DAG1: variants seen among roughly 807,000 people sequenced by gnomAD.
DAG1 encodes the protein dystroglycan 1 (dystrophin-associated glycoprotein 1).
In DAG1, 8 loss-of-function variants were observed where a neutral mutation model predicts 46.1. That is an observed-to-expected ratio of 0.17 (90% CI 0.10 to 0.31). DAG1 has a LOEUF of 0.31. Ranked by LOEUF, DAG1 falls within the 10% of genes least tolerant of loss-of-function variation. The pLI, the probability that DAG1 is intolerant of heterozygous loss-of-function variation, is 1.00. For synonymous variants in DAG1, 495 were observed against 481.8 expected, an observed-to-expected ratio of 1.03 and a Z score of -0.36; for missense variants, 1,003 against 1,189.9, an observed-to-expected ratio of 0.84 and a Z score of 2.31.
At position 49,532,153 on chromosome 3, in the gene DAG1, G is replaced by A. The variant is rs1362055520; in HGVS notation, c.1642G>A (p.Glu548Lys). Residue 548 changes from glutamate to lysine, a missense_variant, in exon 3 of 3, where the codon GAG becomes AAG. Physicochemically the swap from Glu to Lys is moderately conservative, Grantham distance 56. Coordinates refer to ENST00000308775, the MANE Select transcript of DAG1 (RefSeq NM_004393.6). The surrounding 1 kb of genome is among the most constrained non-coding windows in gnomAD (Gnocchi z 5.4). ...LKLREQQLVG[E>K]KSWVQFNSNS... ...ACTGCGGGAGCAGCAGCTGGTGGGC[G>A]AGAAGTCCTGGGTACAGTTCAACAG... 2 of 1,614,234 alleles carry A rather than the reference G, an allele frequency of 1.2e-6. No homozygotes were observed. The highest frequency in any genetic ancestry group is 2.2e-5 in the East Asian group (1 of 44,884).
At chr3:49,518,405 C>G (rs537053077) in intron 2 of DAG1, among the ~76,000 whole-genome samples, 1 of 152,326 alleles carries the variant, frequency 6.6e-6, no homozygotes, top group South Asian at 2.1e-4. Flanking sequence ...AAAGCCTGGC[C>G]TGACCTGTGT....
At chr3:49,510,294 A>G in intron 1 of DAG1, 125 bp from the exon 2 acceptor site, 1 of 599,156 alleles carries the variant, frequency 1.7e-6, no homozygotes, top group Non-Finnish European at 3.0e-6. Flanking sequence ...TGTATAAGAG[A>G]CCATGGGGGT....
At chr3:49,526,988 T>G (rs867658784) in intron 2 of DAG1, among the ~76,000 whole-genome samples, 18 of 152,232 alleles carry the variant, frequency 1.2e-4, no homozygotes, top group African/African-American at 3.6e-4. Flanking sequence ...GAGTTTGTTC[T>G]GTAGGAACTG....
intron 1 of DAG1, among the ~76,000 whole-genome samples, chr3:49,471,219 A>T (rs1379504263): frequency 6.6e-6 from 1 of 152,200 alleles, no homozygotes; most frequent in African/African-American, 2.4e-5. Context: ...CATAGCGCAG[A>T]GTCTAACTTA....
At chr3:49,486,749 C>T (rs2050041790) in intron 1 of DAG1, among the ~76,000 whole-genome samples, 1 of 152,110 alleles carries the variant, frequency 6.6e-6, no homozygotes, top group Non-Finnish European at 1.5e-5. Flanking sequence ...GTGATCTGCC[C>T]ACCTCAGCCT....
intron 2 of DAG1, among the ~76,000 whole-genome samples, chr3:49,527,340 C>T (rs1575405857): frequency 6.6e-6 from 1 of 152,000 alleles, no homozygotes; most frequent in Non-Finnish European, 1.5e-5. Flanking sequence ...TTGGCTAACA[C>T]GGTGAAACCC....
Position 49,531,689 on chromosome 3 carries a change from C to T in DAG1, c.1178C>T (p.Ala393Val). Residue 393 changes from alanine (A) to valine (V), a missense_variant, in exon 3 of 3, where the codon GCT (alanine) becomes GTT (valine). Transcript: ENST00000308775. The surrounding 1 kb of genome is among the most constrained non-coding windows in gnomAD (Gnocchi z 7.0). ...GPIQPTRVSEAGTTVPGQIRP... is the reference protein window; with the variant it reads ...GPIQPTRVSEVGTTVPGQIRP... ...ATCCAGCCTACTCGGGTGTCAGAAG[C>T]TGGCACCACAGTTCCTGGCCAGATT... 6.2e-7 allele frequency: 1 copy of T among 1,613,860 alleles called. No individual in the cohort carries two copies. The highest frequency in any genetic ancestry group is 1.1e-5 in the South Asian group (1 of 91,066).
intron 1 of DAG1, among the ~76,000 whole-genome samples, chr3:49,506,278 A>G (rs1413456845): frequency 3.9e-5 from 6 of 152,146 alleles, no homozygotes; most frequent in Non-Finnish European, 8.8e-5. Context: ...GCGCCTGGCC[A>G]CTATACTTTT....
At chr3:49,509,633 A>C (rs2050707562) in intron 1 of DAG1, among the ~76,000 whole-genome samples, 1 of 152,234 alleles carries the variant, frequency 6.6e-6, no homozygotes, top group African/African-American at 2.4e-5. Context: ...CACCCAACAG[A>C]AATATAACAT....
Position 49,531,350 on chromosome 3 carries a change from C to T in DAG1, c.839C>T (p.Pro280Leu). The T allele has an allele frequency of 1.2e-6, 2 of 1,614,148 alleles. No homozygotes were observed. Among genetic ancestry groups the T allele is most frequent in the Non-Finnish European group, 1.7e-6 (2 of 1,180,028 alleles). Residue 280 changes from proline to leucine, a missense_variant, in exon 3 of 3, where the codon CCT (proline) becomes CTT (leucine). This residue lies in a region of DAG1 where 755 missense variants were observed against 854.1 expected (regional missense o/e 0.88). Coordinates refer to ENST00000308775, the MANE Select transcript of DAG1 (RefSeq NM_004393.6). This position sits in a 1 kb window ranked among gnomAD's most constrained non-coding sequence, Gnocchi z 7.0. ...CCTGACATTCATGGTGTAGAGGCCC[C>T]TGCCAGGGAGGGCGCAATGTCTGCT... ...SVPDIHGVEA[P>L]AREGAMSAQL...
intron 1 of DAG1, among the ~76,000 whole-genome samples, chr3:49,502,390 C>T (rs1428268126): frequency 1.3e-5 from 2 of 152,112 alleles, no homozygotes; most frequent in Non-Finnish European, 2.9e-5. Flanking sequence ...CTGAGTGTGG[C>T]ACTTAACATT....
At chr3:49,522,052 A>G (rs13062429) in intron 2 of DAG1, among the ~76,000 whole-genome samples, 104,497 of 149,378 alleles carry the variant, frequency 0.7, 36,803 homozygotes, top group East Asian at 0.94. Context: ...TTTTTGAGAC[A>G]AAGTCTCACT....
Position 49,531,050 on chromosome 3 carries a change from C to T in DAG1, c.539C>T (p.Ser180Phe), listed in dbSNP as rs756584618. The change falls in exon 3 of 3, where the codon TCT becomes TTT. Residue 180 changes from serine (S) to phenylalanine (F), a missense_variant. Transcript: ENST00000308775. The surrounding 1 kb of genome is among the most constrained non-coding windows in gnomAD (Gnocchi z 7.0). Reference protein sequence around the residue: ...ASPDPGEVVSSACAADEPVTV... With the variant: ...ASPDPGEVVSFACAADEPVTV... ...CCAGACCCTGGTGAGGTGGTATCAT[C>T]TGCCTGTGCTGCGGATGAACCTGTG... The T allele has an allele frequency of 8.1e-6, 13 of 1,614,232 alleles. No homozygotes were observed. The Admixed American group carries it at 1.8e-4, about 23-fold the overall frequency.
chr3:49,483,360 A>G (rs2107125398), intron 1 of DAG1, among the ~76,000 whole-genome samples: 1 of 151,930 alleles, frequency 6.6e-6, no homozygotes, highest in South Asian at 2.1e-4. Flanking sequence ...ATGCGCCACC[A>G]CACCTGGCTA....
intron 1 of DAG1, among the ~76,000 whole-genome samples, chr3:49,485,268 C>T (rs1425975055): frequency 3.3e-5 from 5 of 149,564 alleles, no homozygotes; most frequent in African/African-American, 1.2e-4. Flanking sequence ...AGCCACCGCA[C>T]CCGGCCAAGG....
chr3:49,497,935 T>G (rs1442343865), intron 1 of DAG1, among the ~76,000 whole-genome samples: 1 of 152,218 alleles, frequency 6.6e-6, no homozygotes, highest in Non-Finnish European at 1.5e-5. Context: ...CTTCTGTCTT[T>G]GTTGGAAAAA....
At chr3:49,530,743 T>C in intron 2 of DAG1, 54 bp from the exon 3 acceptor site, 1 of 1,613,376 alleles carries the variant, frequency 6.2e-7, no homozygotes, top group Non-Finnish European at 8.5e-7. Context: ...TGTGATCATA[T>C]TCAGGTTATG....
chr3:49,485,666 T>C (rs2050005973), intron 1 of DAG1, among the ~76,000 whole-genome samples: 2 of 143,312 alleles, frequency 1.4e-5, no homozygotes, highest in Non-Finnish European at 3.0e-5. Flanking sequence ...TCTTTTTTTT[T>C]TTTTTTTTTT....
rs750664714 is a variant in DAG1, at chr3:49,533,322, A to G, written c.*123A>G. On this transcript the variant is annotated 3_prime_UTR_variant, in exon 3 of 3. Coordinates refer to ENST00000308775, the MANE Select transcript of DAG1 (RefSeq NM_004393.6). ...GGAGCCGACACCTGACCTAGCACAC[A>G]CTGACACAGGGGCCTGGACAAGCCC... 5 of 1,430,988 alleles carry G rather than the reference A, an allele frequency of 3.5e-6. No individual in the cohort carries two copies. Among genetic ancestry groups the G allele is most frequent in the South Asian group, 2.4e-5 (2 of 82,294 alleles). The allele number at this position is 1,430,988 out of a possible 1,614,324, so 88.6% of individuals were successfully genotyped here.
Sources: gnomAD v4.1 joint callset for allele counts (sites outside exome capture counted in the v4.1 genomes callset) on GRCh38, gnomAD v4.1.1 for gene constraint, gnomAD v4.1.1 regional missense constraint, Gnocchi (gnomAD v3.1) non-coding constraint, MANE v1.5 for transcripts, NCBI Gene and HGNC (gene_info 2026-07-23, HGNC 2026-07-21) for gene names.